SLC14A2: variants seen among roughly 807,000 people sequenced by gnomAD.
SLC14A2 encodes urea transporter 2.
In SLC14A2, 91 loss-of-function variants were observed where a neutral mutation model predicts 104.6. That is an observed-to-expected ratio of 0.87 (90% CI 0.73 to 1.04). The LOEUF (loss-of-function observed/expected upper bound fraction) is 1.04. Among genes scored for constraint, SLC14A2 ranks in the 50% least tolerant of loss-of-function variants. The pLI is 0.00. For synonymous variants in SLC14A2, 476 were observed against 466.4 expected (o/e 1.02, Z -0.27); for missense variants, 1,189 against 1,156.0 (o/e 1.03, Z -0.41).
intron 1 of SLC14A2, among the ~76,000 whole-genome samples, chr18:45,333,525 T>C (rs1323690250): frequency 6.6e-6 from 1 of 152,234 alleles, no homozygotes; most frequent in African/African-American, 2.4e-5. Context: ...AAAATAACAG[T>C]AGATCTGTAC....
intron 1 of SLC14A2, among the ~76,000 whole-genome samples, chr18:45,241,502 G>C (rs2084315363): frequency 1.3e-5 from 2 of 152,138 alleles, no homozygotes; most frequent in African/African-American, 4.8e-5. Flanking sequence ...CTGGGTCCCT[G>C]GTAGGAAGTG....
chr18:45,678,839 A>G lies in SLC14A2; in HGVS notation c.2513-136A>G, dbSNP rs545932881. 4.6e-5 allele frequency: 35 copies of G among 769,064 alleles called. No homozygotes were observed. The East Asian group carries it at 7.7e-4, about 17-fold the overall frequency. The allele number at this position is 769,064 out of a possible 1,614,324, so 47.6% of individuals were successfully genotyped here. A position where few individuals can be genotyped will look rare whatever the true frequency, so the allele number is the denominator to read the frequency against. On this transcript the variant is annotated intron_variant, in intron 18 of 19. Transcript: ENST00000255226. ...TTTAAAGCTGCCAAGCAATGGAAAC[A>G]TAACTCAAATTTTTAAAAAATCTTA...
chr18:45,295,076 C>T lies in SLC14A2; in HGVS notation c.-125+81885C>T, dbSNP rs73427971. Among the ~76,000 whole-genome samples the T allele has an allele frequency of 8.1e-3, 1,228 of 152,280 alleles. 15 individuals carry two copies. Among genetic ancestry groups the T allele is most frequent in the African/African-American group, 0.028 (1,162 of 41,564 alleles). On this transcript the variant is annotated intron_variant, in intron 1 of 20. Coordinates refer to the SLC14A2 transcript ENST00000586448. ...TGTGCTGCGAGCCACACTTCAAGGG[C>T]AGCAGCTAATAAGAAAGCCTGCTCT...
At chr18:45,503,030 G>A (rs963522472) in intron 2 of SLC14A2, among the ~76,000 whole-genome samples, 2 of 152,176 alleles carry the variant, frequency 1.3e-5, no homozygotes. Context: ...TCCATGGGCA[G>A]CTCTTTCCAG....
At chr18:45,360,271 C>T (rs1598719232) in intron 1 of SLC14A2, among the ~76,000 whole-genome samples, 1 of 152,232 alleles carries the variant, frequency 6.6e-6, no homozygotes, top group Non-Finnish European at 1.5e-5. Context: ...CCTATGGACG[C>T]TTCAGTGGGC....
chr18:45,175,532 T>C, the SLC14A2 span, among the ~76,000 whole-genome samples: 3 of 152,130 alleles, frequency 2.0e-5, no homozygotes, highest in Non-Finnish European at 4.4e-5. Flanking sequence ...GGTCTCTTCA[T>C]ACTGTTGAAC....
chr18:45,586,776 C>T (rs1468168807), intron 2 of SLC14A2, among the ~76,000 whole-genome samples: 2 of 152,064 alleles, frequency 1.3e-5, no homozygotes, highest in East Asian at 1.9e-4. Flanking sequence ...TTACCCCCAC[C>T]TTCAAGCTGA....
intron 1 of SLC14A2, among the ~76,000 whole-genome samples, chr18:45,444,933 A>C (rs1236542970): frequency 6.6e-6 from 1 of 152,198 alleles, no homozygotes; most frequent in African/African-American, 2.4e-5. Context: ...TGGATTTGAT[A>C]GCCAGTATCT....
intron 1 of SLC14A2, among the ~76,000 whole-genome samples, chr18:45,443,907 T>C (rs1173490186): frequency 6.6e-6 from 1 of 152,106 alleles, no homozygotes; most frequent in Non-Finnish European, 1.5e-5. Context: ...AAGAAGCCTA[T>C]CCAGAGTAGT....
At chr18:45,596,073 C>A (rs2044715771) in intron 2 of SLC14A2, among the ~76,000 whole-genome samples, 1 of 152,198 alleles carries the variant, frequency 6.6e-6, no homozygotes. Flanking sequence ...TAAAGACCCT[C>A]CCCTTCCTCT....
chr18:45,325,172 G>T (rs1030304077), intron 1 of SLC14A2, among the ~76,000 whole-genome samples: 1 of 152,194 alleles, frequency 6.6e-6, no homozygotes, highest in Non-Finnish European at 1.5e-5. Flanking sequence ...GGAAATGAAG[G>T]TTTCCAGGCA....
At chr18:45,317,914 G>A (rs1334203504) in intron 1 of SLC14A2, among the ~76,000 whole-genome samples, 1 of 152,120 alleles carries the variant, frequency 6.6e-6, no homozygotes. Context: ...CATGGATGAT[G>A]AGGCTCATGC....
chr18:45,682,317 A>T lies in SLC14A2; in HGVS notation c.2563-2A>T. The T allele has an allele frequency of 1.9e-6, 3 of 1,613,988 alleles. No homozygotes were observed. Among genetic ancestry groups the T allele is most frequent in the Non-Finnish European group, 2.5e-6 (3 of 1,179,896 alleles). ...AGGCTTATCTGTGTTCTTTCTCTCC[A>T]GTTTGGATTGCCGCCCTGCACTTGG... On this transcript the variant is annotated splice_acceptor_variant, in intron 19 of 19. Transcript: ENST00000255226. LOFTEE classifies it high-confidence loss of function.
chr18:45,192,257 A>G, the SLC14A2 span, among the ~76,000 whole-genome samples: 1 of 152,154 alleles, frequency 6.6e-6, no homozygotes, highest in African/African-American at 2.4e-5. Context: ...TTTCAGTTTT[A>G]TGGAAGCCTA....
chr18:45,682,222 C>A, intron 19 of SLC14A2, 97 bp from the exon 20 acceptor site: 1 of 1,028,700 alleles, frequency 9.7e-7, no homozygotes, highest in Non-Finnish European at 1.5e-6. Context: ...TCAAAGCAGT[C>A]CCTCATGTCC....
intron 1 of SLC14A2, among the ~76,000 whole-genome samples, chr18:45,456,341 CTGCAG>C (rs1250322281): frequency 6.6e-6 from 1 of 152,226 alleles, no homozygotes; most frequent in African/African-American, 2.4e-5. Flanking sequence ...ACCCAGAGCT[CTGCAG>C]AGTCAGTGCC....
chr18:45,440,369 A>G (rs1568204934), intron 1 of SLC14A2: 1 of 152,214 alleles, frequency 6.6e-6, no homozygotes, highest in Non-Finnish European at 1.5e-5. Flanking sequence ...TTGTCAACAG[A>G]CACTTACTCC....
At chr18:45,204,029 T>C in the SLC14A2 span, among the ~76,000 whole-genome samples, 3 of 152,352 alleles carry the variant, frequency 2.0e-5, no homozygotes, top group South Asian at 2.1e-4. Context: ...GTTGGGAATA[T>C]GCATTATCCT....
the SLC14A2 span, among the ~76,000 whole-genome samples, chr18:45,184,281 G>C: frequency 6.6e-6 from 1 of 152,142 alleles, no homozygotes; most frequent in Admixed American, 6.5e-5. Flanking sequence ...AATGAAAAAA[G>C]CAAATACATG....
Sources: gnomAD v4.1 joint callset for allele counts (sites outside exome capture counted in the v4.1 genomes callset) on GRCh38, gnomAD v4.1.1 for gene constraint, MANE v1.5 for transcripts, NCBI Gene and HGNC (gene_info 2026-07-23, HGNC 2026-07-21) for gene names.